SPECC1: variants seen among roughly 807,000 people sequenced by gnomAD.
SPECC1 encodes the protein sperm antigen with calponin homology and coiled-coil domains 1.
In SPECC1, 62 loss-of-function variants were observed where a neutral mutation model predicts 104.1. The ratio of observed to expected loss-of-function variants is 0.60; its 90% confidence interval spans 0.49 to 0.74. SPECC1 has a LOEUF of 0.74. Ranked by LOEUF, SPECC1 falls within the 30% of genes least tolerant of loss-of-function variation. The pLI is 0.00. For synonymous variants in SPECC1, 513 were observed against 501.6 expected, an observed-to-expected ratio of 1.02 and a Z score of -0.30; for missense variants, 1,306 against 1,310.5, an observed-to-expected ratio of 1.00 and a Z score of 0.05.
intron 13 of SPECC1, among the ~76,000 whole-genome samples, chr17:20,300,609 G>T (rs978249863): frequency 6.6e-6 from 1 of 152,218 alleles, no homozygotes; most frequent in Non-Finnish European, 1.5e-5. Flanking sequence ...TTGTTCTCAG[G>T]CTCCAAATTG....
At chr17:20,068,397 C>G (rs2046434316) in intron 1 of SPECC1, among the ~76,000 whole-genome samples, 1 of 152,216 alleles carries the variant, frequency 6.6e-6, no homozygotes, top group Admixed American at 6.5e-5. Context: ...CTGATGGCCA[C>G]TGGGTTTTTT....
At position 20,246,139 on chromosome 17, in the gene SPECC1, A is replaced by G. The variant is rs904918440; in HGVS notation, c.2497+68A>G. Reference sequence around the variant, plus strand: ...CTTTGGCCCGACATTTGATATGTCTACTATCTCTACTCCACCCTGGCCCTG... The same window carrying G: ...CTTTGGCCCGACATTTGATATGTCTGCTATCTCTACTCCACCCTGGCCCTG... On this transcript the variant is annotated intron_variant, in intron 8 of 14. Transcript: ENST00000395527. The G allele has an allele frequency of 1.8e-4, 276 of 1,567,022 alleles. 1 individual carries two copies. The highest frequency in any genetic ancestry group is 1.8e-4 in the Middle Eastern group (1 of 5,660).
chr17:20,052,646 A>G (rs1479110338), intron 1 of SPECC1, among the ~76,000 whole-genome samples: 1 of 152,198 alleles, frequency 6.6e-6, no homozygotes, highest in Non-Finnish European at 1.5e-5. Flanking sequence ...ATTTCCATAG[A>G]GGAGGTTCTC....
chr17:20,293,448 G>A (rs577738165), intron 12 of SPECC1, among the ~76,000 whole-genome samples: 1 of 152,216 alleles, frequency 6.6e-6, no homozygotes, highest in East Asian at 1.9e-4. Flanking sequence ...CACCCTAAAT[G>A]ACCTTCCCAG....
At chr17:20,078,562 A>G (rs1223428851) in intron 1 of SPECC1, among the ~76,000 whole-genome samples, 1 of 152,184 alleles carries the variant, frequency 6.6e-6, no homozygotes, top group Non-Finnish European at 1.5e-5. Flanking sequence ...GAAGATGGGA[A>G]CTGGCAATCA....
At chr17:20,272,837 C>G (rs2040452094) in intron 12 of SPECC1, among the ~76,000 whole-genome samples, 1 of 152,200 alleles carries the variant, frequency 6.6e-6, no homozygotes, top group South Asian at 2.1e-4. Flanking sequence ...TTCACAGATA[C>G]AATGTTACAT....
At position 20,162,481 on chromosome 17, in the gene SPECC1, T is replaced by C. The variant is rs1055878646; in HGVS notation, c.284-41852T>C. 2.6e-5 allele frequency among the ~76,000 whole-genome samples: 4 copies of C among 152,280 alleles called. No individual in the cohort carries two copies. In the East Asian group the frequency reaches 5.8e-4, roughly 22 times the overall value. On this transcript the variant is annotated intron_variant, in intron 3 of 14. Coordinates refer to ENST00000395527, the MANE Select transcript of SPECC1 (RefSeq NM_001243439.2). ...ATTTTTCCTCGAGCTTCAAATTCTT[T>C]ATCTAGGAAAGGGAAGAGTAATATA... is the stretch of plus-strand genomic sequence containing the variant.
At chr17:20,239,568 A>G (rs1462794202) in intron 7 of SPECC1, 2 of 155,950 alleles carry the variant, frequency 1.3e-5, no homozygotes, top group African/African-American at 4.8e-5. Context: ...TTACTAATGC[A>G]CAACAAGGTT....
In SPECC1 at chr17:20,257,594, CA is replaced by C; in HGVS notation, c.2827del (p.Ser943AlafsTer27). On this transcript the variant is annotated frameshift_variant, in exon 11 of 15. Coordinates refer to ENST00000395527, the MANE Select transcript of SPECC1 (RefSeq NM_001243439.2). LOFTEE classifies it high-confidence loss of function. ...LSASTRAWKP[Q>X]SKLSVERKDP... ...TGCTTCCACCCGGGCATGGAAACCA[CA>C]AAGCAAACTCAGGTATCGTGTTTCA... 6.2e-7 allele frequency: 1 copy of C among 1,612,384 alleles called. No homozygotes were observed. Among genetic ancestry groups the C allele is most frequent in the Non-Finnish European group, 8.5e-7 (1 of 1,179,618 alleles).
intron 3 of SPECC1, among the ~76,000 whole-genome samples, chr17:20,186,628 A>G (rs892636845): frequency 2.6e-5 from 4 of 152,168 alleles, no homozygotes; most frequent in Admixed American, 1.3e-4. Context: ...CAGTGGTACA[A>G]TCACAGCTTA....
intron 2 of SPECC1, among the ~76,000 whole-genome samples, chr17:20,100,079 T>A (rs2047870443): frequency 6.6e-6 from 1 of 152,182 alleles, no homozygotes; most frequent in Non-Finnish European, 1.5e-5. Flanking sequence ...TAAATTTTTT[T>A]ATTGTTGTAT....
At position 20,205,420 on chromosome 17, in the gene SPECC1, C is replaced by T. The variant is rs913760341; in HGVS notation, c.1371C>T (p.Thr457=). Residue 457 remains threonine, a synonymous_variant, in exon 4 of 15, where the codon ACC becomes ACT. Coordinates refer to ENST00000395527, the MANE Select transcript of SPECC1 (RefSeq NM_001243439.2). The stretch of plus-strand genomic sequence containing the variant: ...AGCGAGTAAAGAATGAAGAGCCCAC[C>T]ACTCAGGAAGGAAAAATTATTGAAC... ...LQERVKNEEP[T]TQEGKIIELE... is the part of the protein sequence containing the mutation. The T allele has an allele frequency of 2.5e-6, 4 of 1,613,938 alleles. No individual in the cohort carries two copies. The African/African-American group carries it at 4.0e-5, about 16-fold the overall frequency.
At chr17:20,249,331 T>C (rs994196914) in intron 9 of SPECC1, among the ~76,000 whole-genome samples, 1 of 152,118 alleles carries the variant, frequency 6.6e-6, no homozygotes, top group Non-Finnish European at 1.5e-5. Flanking sequence ...GGCAGGAGAA[T>C]CACTTGAACT....
At chr17:20,062,095 T>A (rs1181286702) in intron 1 of SPECC1, among the ~76,000 whole-genome samples, 1 of 151,068 alleles carries the variant, frequency 6.6e-6, no homozygotes, top group African/African-American at 2.5e-5. Context: ...GCTAAAAAAA[T>A]ACAAAAAATT....
At position 20,205,579 on chromosome 17, in the gene SPECC1, A is replaced by C. The variant is rs144325201; in HGVS notation, c.1530A>C (p.Lys510Asn). The change falls in exon 4 of 15, where the codon AAA (lysine) becomes AAC (asparagine). Residue 510 changes from lysine to asparagine, a missense_variant. Physicochemically the swap from Lys to Asn is moderately conservative, Grantham distance 94. Coordinates refer to ENST00000395527, the MANE Select transcript of SPECC1 (RefSeq NM_001243439.2). ...EENQGALEMIKRLKEENEKLN... is the reference protein window; with the variant it reads ...EENQGALEMINRLKEENEKLN... ...ACCAAGGAGCTTTAGAAATGATTAAACGTCTGAAGGAAGAAAATGAAAAAC... is the reference window on the plus strand; with the variant it reads ...ACCAAGGAGCTTTAGAAATGATTAACCGTCTGAAGGAAGAAAATGAAAAAC... 6.2e-7 allele frequency: 1 copy of C among 1,614,024 alleles called. No homozygotes were observed. Among genetic ancestry groups the C allele is most frequent in the South Asian group, 1.1e-5 (1 of 91,066 alleles).
intron 3 of SPECC1, among the ~76,000 whole-genome samples, chr17:20,136,367 G>A (rs1260300814): frequency 6.6e-6 from 1 of 150,646 alleles, no homozygotes; most frequent in African/African-American, 2.5e-5. Context: ...GGAGGTTGCA[G>A]TTAGCCAAGA....
chr17:20,246,873 A>G lies in SPECC1; in HGVS notation c.2498-346A>G, dbSNP rs1347270562. Among the ~76,000 whole-genome samples, 8 of 152,310 alleles carry G rather than the reference A, an allele frequency of 5.3e-5. No homozygotes were observed. In the South Asian group the frequency reaches 1.5e-3, roughly 28 times the overall value. On this transcript the variant is annotated intron_variant, in intron 8 of 14. Coordinates refer to ENST00000395527, the MANE Select transcript of SPECC1 (RefSeq NM_001243439.2). Reference sequence around the variant, plus strand: ...AAATTAGATTAAGACTAGACTCTACATATTCAAAGACATGAAAGCCTTTCA... The same window carrying G: ...AAATTAGATTAAGACTAGACTCTACGTATTCAAAGACATGAAAGCCTTTCA...
At chr17:20,148,094 C>T (rs1388418578) in intron 3 of SPECC1, among the ~76,000 whole-genome samples, 1 of 152,118 alleles carries the variant, frequency 6.6e-6, no homozygotes, top group Admixed American at 6.6e-5. Flanking sequence ...TAGGAACTGT[C>T]TTCTGGTCCT....
intron 3 of SPECC1, chr17:20,156,089 C>T (rs1029664716): frequency 3.0e-6 from 4 of 1,339,780 alleles, no homozygotes; most frequent in Admixed American, 4.0e-5. Flanking sequence ...TTGACTGGAG[C>T]GGACCCGCCG....
Sources: gnomAD v4.1 joint callset for allele counts (sites outside exome capture counted in the v4.1 genomes callset) on GRCh38, gnomAD v4.1.1 for gene constraint, MANE v1.5 for transcripts, NCBI Gene and HGNC (gene_info 2026-07-23, HGNC 2026-07-21) for gene names.